Variants in GBP7 observed in about 807,000 individuals in gnomAD.
GBP7 encodes guanylate-binding protein 7.
In GBP7, 43 loss-of-function variants were observed where a neutral mutation model predicts 61.3. That is an observed-to-expected ratio of 0.70 (90% CI 0.55 to 0.91). The LOEUF is 0.91. Among genes scored for constraint, GBP7 ranks in the 40% least tolerant of loss-of-function variants. GBP7 has a pLI of 0.00. For missense variants in GBP7, 717 were observed against 740.5 expected, an observed-to-expected ratio of 0.97 and a Z score of 0.37; for synonymous variants, 267 against 271.0, an observed-to-expected ratio of 0.99 and a Z score of 0.14.
chr1:89,132,071 T>C lies in GBP7; in HGVS notation c.*78A>G, dbSNP rs1681689110. The stretch of plus-strand genomic sequence containing the variant: ...TGAAATTTGCTTTTTAATTTTAAAC[T>C]TTTCTTAAATGAAACTGCAATAACA... On this transcript the variant is annotated 3_prime_UTR_variant, in exon 11 of 11. Transcript: ENST00000294671. 8.1e-7 allele frequency: 1 copy of C among 1,236,906 alleles called. No homozygotes were observed. 76.6% of individuals were successfully genotyped at this position (1,236,906 alleles called of 1,614,324 possible).
In GBP7 at chr1:89,152,554, C is replaced by T. The variant is rs568385742; in HGVS notation, c.429-90G>A. The T allele has an allele frequency of 1.7e-4, 260 of 1,501,576 alleles. 2 individuals are homozygous for T. Among genetic ancestry groups the T allele is most frequent in the Admixed American group, 2.5e-4 (14 of 56,564 alleles). The allele number at this position is 1,501,576 out of a possible 1,614,324, so 93.0% of individuals were successfully genotyped here. ...AGTTTTATACACATTCCCTTTTGCA[C>T]TGTTTCTCTTCTTACTCAACCAGGA... On this transcript the variant is annotated intron_variant, in intron 4 of 10. Transcript: ENST00000294671.
At chr1:89,143,186 ACT>A (rs776924742) in intron 8 of GBP7, among the ~76,000 whole-genome samples, 120 of 152,304 alleles carry the variant, frequency 7.9e-4, no homozygotes, top group Non-Finnish European at 1.6e-3. Context: ...TCTTGTCAAC[ACT>A]TGGAATTTTG....
intron 10 of GBP7, 83 bp downstream of exon 10, chr1:89,133,175 G>T: frequency 2.1e-6 from 2 of 950,926 alleles, no homozygotes; most frequent in South Asian, 1.6e-5. Context: ...CTGAAATCTT[G>T]ACTGAGCTTA....
chr1:89,154,268 G>T (rs1159710829), intron 3 of GBP7, among the ~76,000 whole-genome samples: 1 of 152,080 alleles, frequency 6.6e-6, no homozygotes, highest in South Asian at 2.1e-4. Flanking sequence ...GATAACTTTA[G>T]TACTGTATGT....
chr1:89,148,444 AGTGTTTAGGTAACATTATATGATATCT>A (rs1250943056), intron 7 of GBP7, among the ~76,000 whole-genome samples: 1 of 152,228 alleles, frequency 6.6e-6, no homozygotes, highest in Non-Finnish European at 1.5e-5. Flanking sequence ...AGTGTACTCC[AGTGTTTAGGTAACATTATATGATATCT>A]GTTGACTTTA....
At chr1:89,174,573 C>T (rs1647690143) in intron 1 of GBP7, among the ~76,000 whole-genome samples, 1 of 152,142 alleles carries the variant, frequency 6.6e-6, no homozygotes, top group Non-Finnish European at 1.5e-5. Flanking sequence ...TATCTCTATA[C>T]TTTGAAACAT....
chr1:89,146,564 A>G (rs115204917), intron 8 of GBP7, among the ~76,000 whole-genome samples: 1,875 of 152,350 alleles, frequency 0.012, 31 homozygotes, highest in African/African-American at 0.043. Context: ...TAATGAGCTC[A>G]TATAACTCAA....
intron 3 of GBP7, among the ~76,000 whole-genome samples, chr1:89,153,878 A>C (rs938692791): frequency 1.3e-5 from 2 of 152,240 alleles, no homozygotes; most frequent in South Asian, 4.1e-4. Context: ...TAAGGAGTAC[A>C]TAAAATCAGG....
At position 89,133,276 on chromosome 1, in the gene GBP7, C is replaced by A. The variant is rs1186638833; in HGVS notation, c.1644G>T (p.Met548Ile). The A allele has an allele frequency of 8.1e-6, 13 of 1,613,578 alleles. No homozygotes were observed. The highest frequency in any genetic ancestry group is 5.0e-5 in the Admixed American group (3 of 59,986). ...RENYMRELRK[M>I]LSHKMKVLEE... The stretch of plus-strand genomic sequence containing the variant: ...GACTCACCTTCATCTTGTGACTCAA[C>A]ATCTTTCTCAGTTCTCTCATATAGT... Residue 548 changes from methionine to isoleucine, a missense_variant, in exon 10 of 11, where the codon ATG (methionine) becomes ATT (isoleucine). Physicochemically the swap from Met to Ile is conservative, Grantham distance 10. This residue lies in a region of GBP7 where 312 missense variants were observed against 310.1 expected (regional missense o/e 1.01). Transcript: ENST00000294671.
chr1:89,163,678 A>G (rs748157616), intron 3 of GBP7, among the ~76,000 whole-genome samples: 1 of 152,076 alleles, frequency 6.6e-6, no homozygotes, highest in African/African-American at 2.4e-5. Flanking sequence ...ACTGCACTTA[A>G]TACTATAAAG....
rs1557467301 is a variant in GBP7, at chr1:89,171,869, C to T, written c.67G>A (p.Val23Met). 1.2e-6 allele frequency: 2 copies of T among 1,613,632 alleles called. No individual in the cohort carries two copies. Among genetic ancestry groups the T allele is most frequent in the Non-Finnish European group, 1.7e-6 (2 of 1,179,810 alleles). Residue 23 changes from valine to methionine, a missense_variant, in exon 2 of 11, where the codon GTG becomes ATG. By Grantham distance (21) the Val-to-Met change is conservative. This residue lies in a region of GBP7 where 387 missense variants were observed against 385.2 expected (regional missense o/e 1.00). Coordinates refer to ENST00000294671, the MANE Select transcript of GBP7 (RefSeq NM_207398.3). The stretch of plus-strand genomic sequence containing the variant: ...AGGATTTCCAGAGCTTCTGAATTCA[C>T]CACCAGATGCCCTTTAGTGTTCTCA... Reference protein sequence around the residue: ...LTENTKGHLVVNSEALEILSA... With the variant: ...LTENTKGHLVMNSEALEILSA...
intron 2 of GBP7, among the ~76,000 whole-genome samples, chr1:89,166,664 G>T (rs938370880): frequency 1.3e-5 from 2 of 152,238 alleles, no homozygotes; most frequent in African/African-American, 2.4e-5. Context: ...GAAGTCAGCA[G>T]ACCATGAAGG....
rs1169666089 is a variant in GBP7, at chr1:89,171,842, A to G, written c.94T>C (p.Ser32Pro). ...VVNSEALEILSAITQPVVVVA... is the reference protein window; with the variant it reads ...VVNSEALEILPAITQPVVVVA... ...ACTACTACAGGCTGTGTAATGGCAG[A>G]CAGGATTTCCAGAGCTTCTGAATTC... Residue 32 changes from serine to proline, a missense_variant, in exon 2 of 11, where the codon TCT becomes CCT. Coordinates refer to ENST00000294671, the MANE Select transcript of GBP7 (RefSeq NM_207398.3). 1.9e-6 allele frequency: 3 copies of G among 1,613,876 alleles called. No individual in the cohort carries two copies. Among genetic ancestry groups the G allele is most frequent in the Non-Finnish European group, 8.5e-7 (1 of 1,179,930 alleles).
intron 9 of GBP7, among the ~76,000 whole-genome samples, chr1:89,135,233 C>T (rs1017530765): frequency 2.0e-5 from 3 of 152,038 alleles, no homozygotes; most frequent in Non-Finnish European, 2.9e-5. Flanking sequence ...CATTGGCACC[C>T]GTGAAAGGGA....
At chr1:89,148,697 A>G (rs549272621) in intron 7 of GBP7, among the ~76,000 whole-genome samples, 3 of 152,360 alleles carry the variant, frequency 2.0e-5, no homozygotes, top group South Asian at 2.1e-4. Flanking sequence ...AGTAAGCTCA[A>G]TCAACACCTT....
intron 2 of GBP7, among the ~76,000 whole-genome samples, chr1:89,168,556 G>A (rs1647505073): frequency 6.6e-6 from 1 of 152,102 alleles, no homozygotes; most frequent in African/African-American, 2.4e-5. Flanking sequence ...ACCAGCTCTA[G>A]CTAAAATATA....
chr1:89,166,794 CTG>C (rs1212971797), intron 2 of GBP7, among the ~76,000 whole-genome samples: 15 of 152,242 alleles, frequency 9.9e-5, no homozygotes, highest in African/African-American at 3.4e-4. Context: ...CCAGTCCTAA[CTG>C]TAAACTTGCA....
At chr1:89,153,414 A>G (rs935592742) in intron 3 of GBP7, among the ~76,000 whole-genome samples, 3 of 152,246 alleles carry the variant, frequency 2.0e-5, no homozygotes, top group African/African-American at 4.8e-5. Context: ...AAAAGTAGCA[A>G]TTGACACTGT....
At chr1:89,151,913 C>T (rs966534233) in intron 5 of GBP7, among the ~76,000 whole-genome samples, 1 of 152,082 alleles carries the variant, frequency 6.6e-6, no homozygotes, top group Non-Finnish European at 1.5e-5. Context: ...AGTTAATTTT[C>T]TCCAAATAGA....
Sources: allele counts gnomAD v4.1 joint callset (sites outside exome capture counted in the v4.1 genomes callset), GRCh38; gene constraint gnomAD v4.1.1; regional missense constraint gnomAD v4.1.1; transcripts MANE v1.5; gene names NCBI Gene and HGNC (gene_info 2026-07-23, HGNC 2026-07-21).